The following TULP4 variants were observed in gnomAD, a reference collection of about 807,000 sequenced individuals.
The protein encoded by TULP4 is TUB like protein 4, also known as tubby-related protein 4.
In TULP4, 16 loss-of-function variants were observed where a neutral mutation model predicts 129.0. The observed-to-expected ratio is 0.12, with a 90% confidence interval of 0.08 to 0.19. The LOEUF is 0.19. Among genes scored for constraint, TULP4 ranks in the 10% least tolerant of loss-of-function variants. TULP4 has a pLI of 1.00. For missense variants in TULP4, 1,842 were observed against 2,059.1 expected (o/e 0.89, Z 2.04); for synonymous variants, 998 against 854.0 (o/e 1.17, Z -2.94).
chr6:158,399,477 C>G (rs1278308765), intron 1 of TULP4, among the ~76,000 whole-genome samples: 1 of 152,226 alleles, frequency 6.6e-6, no homozygotes, highest in East Asian at 1.9e-4. Flanking sequence ...GCCTGAAGTT[C>G]TGCATTTTAA....
At chr6:158,389,294 T>A (rs1297315213) in intron 1 of TULP4, among the ~76,000 whole-genome samples, 1 of 152,092 alleles carries the variant, frequency 6.6e-6, no homozygotes, top group Non-Finnish European at 1.5e-5. Flanking sequence ...CTACAAAAAA[T>A]ACAAAAATTA....
At chr6:158,259,960 C>T (rs75924378) in intron 1 of TULP4, among the ~76,000 whole-genome samples, 4,797 of 152,310 alleles carry the variant, frequency 0.031, 98 homozygotes, top group Non-Finnish European at 0.04. Context: ...TCAATGTATT[C>T]ATCAGCCAGG....
rs1439858663 is a variant in TULP4 at position 158,498,654 on chromosome 6, CT to C, written c.1871-10del. The C allele has an allele frequency of 1.9e-6, 3 of 1,614,142 alleles. No individual in the cohort carries two copies. The highest frequency in any genetic ancestry group is 3.3e-5 in the Admixed American group (2 of 60,026). On this transcript the variant is annotated splice_polypyrimidine_tract_variant and intron_variant, in intron 11 of 13. Coordinates refer to ENST00000367097, the MANE Select transcript of TULP4 (RefSeq NM_020245.5). ...GTGTGTCTCTGTTAACTGTGCCCTT[CT>C]TTTTCCCCACCAGTAATCTATAAAA...
intron 8 of TULP4, chr6:158,481,645 A>G (rs1213589862): frequency 1.3e-5 from 4 of 307,676 alleles, no homozygotes; most frequent in Non-Finnish European, 2.5e-5. Context: ...CTTGAAAATA[A>G]TAACAAGATA....
intron 3 of TULP4, among the ~76,000 whole-genome samples, chr6:158,438,926 C>T (rs1778817279): frequency 6.6e-6 from 1 of 152,128 alleles, no homozygotes; most frequent in Non-Finnish European, 1.5e-5. Context: ...AATCCCAGCA[C>T]TTTGGGAGGC....
At chr6:158,496,603 G>A (rs934320464) in intron 11 of TULP4, among the ~76,000 whole-genome samples, 4 of 152,180 alleles carry the variant, frequency 2.6e-5, no homozygotes, top group East Asian at 1.9e-4. Flanking sequence ...TCAGTTACTC[G>A]TTAGTGCCCT....
At chr6:158,376,616 G>A (rs116567729) in intron 1 of TULP4, among the ~76,000 whole-genome samples, 2,165 of 152,334 alleles carry the variant, frequency 0.014, 58 homozygotes, top group African/African-American at 0.048. Flanking sequence ...GAAGAAGAGC[G>A]TGTGGAGTGA....
At chr6:158,445,245 G>A (rs1051225058) in intron 3 of TULP4, among the ~76,000 whole-genome samples, 1 of 152,150 alleles carries the variant, frequency 6.6e-6, no homozygotes, top group African/African-American at 2.4e-5. Flanking sequence ...CCTGGTATAT[G>A]CATTACAGAG....
intron 5 of TULP4, among the ~76,000 whole-genome samples, chr6:158,459,206 G>A (rs926180285): frequency 2.0e-5 from 3 of 152,128 alleles, no homozygotes; most frequent in African/African-American, 7.2e-5. Flanking sequence ...CGAGGCGGGT[G>A]GATCACATGA....
chr6:158,425,436 C>T (rs1426625120), intron 2 of TULP4, among the ~76,000 whole-genome samples: 1 of 146,222 alleles, frequency 6.8e-6, no homozygotes, highest in Non-Finnish European at 1.5e-5. Flanking sequence ...TCACTTGAAC[C>T]TGAGAGGTGG....
Position 158,502,600 on chromosome 6 carries a change from C to T in TULP4, c.2937C>T (p.Asp979=), listed in dbSNP as rs758871935. ...GGCGGGGGGCTGCCCAGAGGTCCGA[C>T]AATAGCCTCATCCACGCTACCCTGC... ...AQGRGAAQRS[D]NSLIHATLRR... The change falls in exon 13 of 14, where the codon GAC becomes GAT. Residue 979 remains aspartate (D), a synonymous_variant. Transcript: ENST00000367097. The T allele has an allele frequency of 1.9e-6, 3 of 1,600,770 alleles. No homozygotes were observed. The highest frequency in any genetic ancestry group is 2.7e-5 in the African/African-American group (2 of 74,932).
At chr6:158,506,161 C>T (rs997481611) in intron 13 of TULP4, among the ~76,000 whole-genome samples, 3 of 149,126 alleles carry the variant, frequency 2.0e-5, no homozygotes, top group African/African-American at 7.4e-5. Context: ...ATCTCATAGA[C>T]GGTGCTGTCT....
chr6:158,504,313 G>A, intron 13 of TULP4, 135 bp downstream of exon 13: 1 of 741,066 alleles, frequency 1.3e-6, no homozygotes, highest in Non-Finnish European at 2.2e-6. Context: ...GGAGCTCATG[G>A]GGTTATGGTT....
chr6:158,381,065 G>A (rs896663055), intron 1 of TULP4, among the ~76,000 whole-genome samples: 2 of 151,978 alleles, frequency 1.3e-5, no homozygotes, highest in Non-Finnish European at 2.9e-5. Context: ...GCTTCCTGAA[G>A]GTGGGTGGGT....
chr6:158,488,295 C>T (rs923051149), intron 8 of TULP4, among the ~76,000 whole-genome samples: 1 of 152,166 alleles, frequency 6.6e-6, no homozygotes. Flanking sequence ...GCTGAGATTC[C>T]TTTGATCCAG....
chr6:158,461,422 AAAAAG>A, intron 5 of TULP4, 136 bp from the exon 6 acceptor site: 10 of 881,090 alleles, frequency 1.1e-5, no homozygotes, highest in Non-Finnish European at 1.5e-5. Context: ...AAAAAAAAAA[AAAAAG>A]GAAAAAACCA....
upstream of TULP4, among the ~76,000 whole-genome samples, chr6:158,311,269 G>C (rs1779344886): frequency 6.6e-6 from 1 of 152,182 alleles, no homozygotes; most frequent in Non-Finnish European, 1.5e-5. Flanking sequence ...CAGTTCCTGT[G>C]GGATGGGGCT....
intron 1 of TULP4, among the ~76,000 whole-genome samples, chr6:158,299,728 A>G (rs1779101561): frequency 6.6e-6 from 1 of 152,198 alleles, no homozygotes; most frequent in African/African-American, 2.4e-5. Flanking sequence ...GTTAGCATAG[A>G]TTTCCACAGG....
chr6:158,242,573 CT>C, intron 1 of TULP4: 1 of 732,628 alleles, frequency 1.4e-6, no homozygotes, highest in Admixed American at 1.8e-5. Context: ...CGCAATATGC[CT>C]TTTCAAAGGA....
Sources: allele counts gnomAD v4.1 joint callset (sites outside exome capture counted in the v4.1 genomes callset), GRCh38; gene constraint gnomAD v4.1.1; transcripts MANE v1.5; gene names NCBI Gene and HGNC (gene_info 2026-07-23, HGNC 2026-07-21).